The following KIAA1217 variants were observed in gnomAD, a reference collection of about 807,000 sequenced individuals.
KIAA1217 encodes KIAA1217, also known as sickle tail protein homolog.
A neutral mutation model predicts 163.9 loss-of-function variants in KIAA1217; 88 were observed. The observed-to-expected ratio is 0.54, with a 90% CI of 0.45 to 0.64. The LOEUF (loss-of-function observed/expected upper bound fraction) is 0.64. KIAA1217 is among the 30% of genes least tolerant of loss of function. The probability of loss-of-function intolerance (pLI) is 0.00; values close to 1 mark genes in which losing one functional copy is unlikely to be tolerated. For missense variants in KIAA1217, 2,372 were observed against 2,475.0 expected, an observed-to-expected ratio of 0.96 and a Z score of 0.88; for synonymous variants, 903 against 923.1, an observed-to-expected ratio of 0.98 and a Z score of 0.39.
intron 2 of KIAA1217, among the ~76,000 whole-genome samples, chr10:24,099,588 A>ATATATAT (rs1564700283): frequency 7.1e-6 from 1 of 141,160 alleles, no homozygotes; most frequent in African/African-American, 2.7e-5. Context: ...TATATATATT[A>ATATATAT]TATATATATA....
chr10:23,782,401 A>G (rs1165388165), intron 1 of KIAA1217, among the ~76,000 whole-genome samples: 1 of 152,060 alleles, frequency 6.6e-6, no homozygotes, highest in Non-Finnish European at 1.5e-5. Flanking sequence ...TAATTTTTGT[A>G]TGTTGATTTT....
chr10:23,977,098 TA>T (rs942539046), intron 1 of KIAA1217, among the ~76,000 whole-genome samples: 2 of 152,178 alleles, frequency 1.3e-5, no homozygotes, highest in Non-Finnish European at 2.9e-5. Context: ...TGAGTATCCT[TA>T]AAAAAATGTT....
intron 2 of KIAA1217, among the ~76,000 whole-genome samples, chr10:24,087,874 G>A (rs1306367867): frequency 6.6e-6 from 1 of 152,128 alleles, no homozygotes; most frequent in Non-Finnish European, 1.5e-5. Context: ...TAGAAAGAGT[G>A]TGTCGTGGAT....
intron 1 of KIAA1217, among the ~76,000 whole-genome samples, chr10:23,839,852 C>G (rs946955464): frequency 2.6e-5 from 4 of 152,190 alleles, no homozygotes; most frequent in South Asian, 2.1e-4. Flanking sequence ...ATTAGAAATC[C>G]CCCACCCCAA....
At position 23,825,855 on chromosome 10, in the gene KIAA1217, C is replaced by T. The variant is rs1013723964; in HGVS notation, c.-321+130621C>T. ...ACTGGAAGACCTCGCACAAGTCACT[C>T]ATTCTTTCTGACACTCGGTGTTTTT... is the stretch of plus-strand genomic sequence containing the variant. On this transcript the variant is annotated intron_variant, in intron 1 of 18. Coordinates refer to the KIAA1217 transcript ENST00000376462. 9.9e-5 allele frequency among the ~76,000 whole-genome samples: 15 copies of T among 152,162 alleles called. 1 individual carries two copies. In the East Asian group the frequency reaches 2.9e-3, roughly 29 times the overall value.
At position 23,726,979 on chromosome 10, in the gene KIAA1217, C is replaced by CTTTTTTTTT. The variant is rs1012125050; in HGVS notation, c.-321+31763_-321+31771dup. Among the ~76,000 whole-genome samples, 141 of 93,414 alleles carry CTTTTTTTTT rather than the reference C, an allele frequency of 1.5e-3. 19 individuals are homozygous for CTTTTTTTTT. The highest frequency in any genetic ancestry group is 6.4e-3 in the African/African-American group (133 of 20,684). The allele number at this position is 93,414 out of a possible 152,430, so 61.3% of individuals were successfully genotyped here. A position where few individuals can be genotyped will look rare whatever the true frequency, so the allele number is the denominator to read the frequency against. On this transcript the variant is annotated intron_variant, in intron 1 of 18. Transcript: ENST00000376462. ...ATTTCCATGCCATTTGTATAGGCCT[C>CTTTTTTTTT]TTTTTTTTTTTTTTTTTTTTTTTTT...
chr10:23,698,109 A>G (rs1836168191), intron 1 of KIAA1217, among the ~76,000 whole-genome samples: 2 of 152,226 alleles, frequency 1.3e-5, no homozygotes, highest in South Asian at 2.1e-4. Flanking sequence ...TGATTTAATT[A>G]GGCACTGAAA....
intron 3 of KIAA1217, among the ~76,000 whole-genome samples, chr10:24,417,940 C>T (rs2058405250): frequency 6.6e-6 from 1 of 150,658 alleles, no homozygotes; most frequent in Non-Finnish European, 1.5e-5. Context: ...CTGTCATCTC[C>T]TCTCCTCTTT....
intron 2 of KIAA1217, among the ~76,000 whole-genome samples, chr10:24,370,264 C>CAAAAAAAAAAAAA (rs5783891): frequency 1.4e-5 from 1 of 73,430 alleles, no homozygotes; most frequent in East Asian, 4.8e-4. Context: ...GACTCTGTCT[C>CAAAAAAAAAAAAA]AAAAAAAAAA....
At chr10:24,023,918 T>C (rs1847838321) in intron 2 of KIAA1217, among the ~76,000 whole-genome samples, 1 of 151,446 alleles carries the variant, frequency 6.6e-6, no homozygotes, top group Non-Finnish European at 1.5e-5. Context: ...GAAAAATTAA[T>C]CTCTGTTGAT....
chr10:24,413,542 C>T (rs979547970), intron 3 of KIAA1217, among the ~76,000 whole-genome samples: 1 of 152,192 alleles, frequency 6.6e-6, no homozygotes, highest in Non-Finnish European at 1.5e-5. Flanking sequence ...TCATAATCCT[C>T]TGTTGCCTTG....
chr10:23,866,951 A>C (rs1464771076), intron 1 of KIAA1217, among the ~76,000 whole-genome samples: 1 of 148,790 alleles, frequency 6.7e-6, no homozygotes, highest in African/African-American at 2.5e-5. Flanking sequence ...TGCACCCATT[A>C]ACTCATCATT....
At position 24,058,194 on chromosome 10, in the gene KIAA1217, A is replaced by G. The variant is rs545777954; in HGVS notation, c.-171+50820A>G. Among the ~76,000 whole-genome samples the G allele has an allele frequency of 1.4e-4, 21 of 152,306 alleles. No homozygotes were observed. In the East Asian group the frequency reaches 3.7e-3, roughly 27 times the overall value. On this transcript the variant is annotated intron_variant, in intron 2 of 18. Transcript: ENST00000376462. ...TACCTTAGTACCTTTGTTGAAGATC[A>G]GCTAATTGTGTATGCATGGGTTCAT...
intron 2 of KIAA1217, among the ~76,000 whole-genome samples, chr10:24,296,831 C>A (rs560725514): frequency 1.3e-5 from 2 of 152,006 alleles, no homozygotes; most frequent in South Asian, 4.2e-4. Context: ...AGATTATGTG[C>A]AAAAAAAGAA....
Position 24,469,269 on chromosome 10 carries a change from C to T in KIAA1217, c.847-3959C>T, listed in dbSNP as rs558632197. On this transcript the variant is annotated intron_variant, in intron 5 of 20. Coordinates refer to ENST00000376454, the MANE Select transcript of KIAA1217 (RefSeq NM_019590.5). ...GCCTCCTGAGTAGCTGGATTACAGG[C>T]GCATGCACTGCGCCTGGCTAATTTT... 2.0e-4 allele frequency among the ~76,000 whole-genome samples: 31 copies of T among 151,610 alleles called. No individual in the cohort carries two copies. In the South Asian group the frequency reaches 6.3e-3, roughly 31 times the overall value.
intron 2 of KIAA1217, among the ~76,000 whole-genome samples, chr10:24,361,746 C>T (rs948355679): frequency 4.0e-5 from 6 of 151,868 alleles, no homozygotes; most frequent in Admixed American, 2.0e-4. Flanking sequence ...GAGGCCGAGG[C>T]GGGAAGATCA....
At chr10:24,105,644 T>C (rs945276800) in intron 2 of KIAA1217, among the ~76,000 whole-genome samples, 1 of 152,212 alleles carries the variant, frequency 6.6e-6, no homozygotes, top group Non-Finnish European at 1.5e-5. Context: ...GCTTAGTGGG[T>C]CCTCTGTGAG....
rs144065181 is a variant in KIAA1217, at chr10:24,120,242, C to T, written c.-170-99384C>T. On this transcript the variant is annotated intron_variant, in intron 2 of 18. Transcript: ENST00000376462. ...ATGTTGTGTAGTAACTAGATGTAGT[C>T]CAAGGGTAAAGTCCCACTGTGAACA... Among the ~76,000 whole-genome samples, 1,426 of 152,252 alleles carry T rather than the reference C, an allele frequency of 9.4e-3. 11 individuals are homozygous for T. Among genetic ancestry groups the T allele is most frequent in the Non-Finnish European group, 0.014 (923 of 68,022 alleles).
chr10:24,082,203 C>A (rs1428805828), intron 2 of KIAA1217, among the ~76,000 whole-genome samples: 3 of 152,000 alleles, frequency 2.0e-5, no homozygotes, highest in Admixed American at 6.6e-5. Context: ...GCCAGCTGGG[C>A]CTTTGTTCTC....
Sources: gnomAD v4.1 joint callset for allele counts (sites outside exome capture counted in the v4.1 genomes callset) on GRCh38, gnomAD v4.1.1 for gene constraint, MANE v1.5 for transcripts, NCBI Gene and HGNC (gene_info 2026-07-23, HGNC 2026-07-21) for gene names.